Variants in DGAT2 observed in about 807,000 individuals in gnomAD.
DGAT2 encodes the protein acyl-CoA retinol O-fatty-acyltransferase.
In DGAT2, 33 loss-of-function variants were observed where a neutral mutation model predicts 48.4. The ratio of observed to expected loss-of-function variants is 0.68; its 90% confidence interval spans 0.52 to 0.91. DGAT2 has a LOEUF of 0.91. Ranked by LOEUF, DGAT2 falls within the 40% of genes least tolerant of loss-of-function variation. DGAT2 has a pLI of 0.00. For missense variants in DGAT2, 446 were observed against 493.7 expected (o/e 0.90, Z 0.92); for synonymous variants, 191 against 194.1 (o/e 0.98, Z 0.13).
chr11:75,783,275 T>G (rs757669806), intron 1 of DGAT2, among the ~76,000 whole-genome samples: 3 of 152,152 alleles, frequency 2.0e-5, no homozygotes, highest in African/African-American at 7.2e-5. Flanking sequence ...ACTAAGCCCT[T>G]TCCCTCTGAT....
chr11:75,774,912 G>A (rs1180968819), intron 1 of DGAT2, among the ~76,000 whole-genome samples: 3 of 152,098 alleles, frequency 2.0e-5, no homozygotes, highest in Non-Finnish European at 4.4e-5. Flanking sequence ...TGGGCCCCTG[G>A]GGTCCTCAGC....
In DGAT2 at chr11:75,797,232, G is replaced by A. The variant is rs868299457; in HGVS notation, c.709G>A (p.Val237Met). 2.4e-5 allele frequency: 38 copies of A among 1,581,420 alleles called. No individual in the cohort carries two copies. The highest frequency in any genetic ancestry group is 4.8e-5 in the East Asian group (2 of 42,052). Residue 237 changes from valine (V) to methionine (M), a missense_variant, in exon 6 of 8, where the codon GTG (valine) becomes ATG (methionine). By Grantham distance (21) the Val-to-Met change is conservative. Coordinates refer to ENST00000228027, the MANE Select transcript of DGAT2 (RefSeq NM_032564.5). Reference protein sequence around the residue: ...KNGSGNAIIIVVGGAAESLSS... With the variant: ...KNGSGNAIIIMVGGAAESLSS... ...TGGGAGTGGCAATGCTATCATCATCGTGGTCGGGGGTGCGGCTGAGTCTCT... is the reference window on the plus strand; with the variant it reads ...TGGGAGTGGCAATGCTATCATCATCATGGTCGGGGGTGCGGCTGAGTCTCT...
intron 1 of DGAT2, among the ~76,000 whole-genome samples, chr11:75,772,148 A>C (rs1235585752): frequency 6.6e-6 from 1 of 152,136 alleles, no homozygotes; most frequent in Non-Finnish European, 1.5e-5. Flanking sequence ...TGAATGAGTG[A>C]AGGTTGTCTC....
chr11:75,792,139 G>A (rs1293170715), intron 4 of DGAT2: 2 of 152,342 alleles, frequency 1.3e-5, no homozygotes, highest in African/African-American at 4.8e-5. Flanking sequence ...ATGATTGTTG[G>A]TCAGACCTGG....
chr11:75,789,614 A>G (rs1944962205), intron 2 of DGAT2, among the ~76,000 whole-genome samples: 1 of 152,182 alleles, frequency 6.6e-6, no homozygotes, highest in East Asian at 1.9e-4. Flanking sequence ...CTAAAGCCTA[A>G]TACAGAGAAC....
intron 1 of DGAT2, among the ~76,000 whole-genome samples, chr11:75,782,696 A>T (rs1944879540): frequency 6.6e-6 from 1 of 152,248 alleles, no homozygotes; most frequent in South Asian, 2.1e-4. Flanking sequence ...TGATGAACTC[A>T]TCTGGCCAGG....
intron 1 of DGAT2, among the ~76,000 whole-genome samples, chr11:75,780,760 T>C (rs1372635916): frequency 6.6e-6 from 1 of 152,240 alleles, no homozygotes; most frequent in Admixed American, 6.5e-5. Context: ...GGGTTCAGCT[T>C]TGCCAGCATC....
At chr11:75,776,109 C>T (rs1457007708) in intron 1 of DGAT2, 1 of 152,274 alleles carries the variant, frequency 6.6e-6, no homozygotes, top group Non-Finnish European at 1.5e-5. Context: ...CCGACATTAA[C>T]CACCCTCCAG....
chr11:75,798,205 G>A lies in DGAT2; in HGVS notation c.810-22G>A, dbSNP rs368783832. 6 of 1,612,792 alleles carry A rather than the reference G, an allele frequency of 3.7e-6. No individual in the cohort carries two copies. The African/African-American group carries it at 6.7e-5, about 18-fold the overall frequency. ...TGAAGCCAGTAAGTAGGGTATGACAGACCCTGGCCTCTCCCTTCCAGAGCT... is the reference window on the plus strand; with the variant it reads ...TGAAGCCAGTAAGTAGGGTATGACAAACCCTGGCCTCTCCCTTCCAGAGCT... On this transcript the variant is annotated intron_variant, in intron 6 of 7. Coordinates refer to ENST00000228027, the MANE Select transcript of DGAT2 (RefSeq NM_032564.5).
In DGAT2 at chr11:75,769,104, G is replaced by C; in HGVS notation, c.113G>C (p.Gly38Ala). 1 of 1,567,642 alleles carries C rather than the reference G, an allele frequency of 6.4e-7. No homozygotes were observed. The highest frequency in any genetic ancestry group is 8.6e-7 in the Non-Finnish European group (1 of 1,162,534). ...GGPALSREGS[G>A]RWGTGSSILS... ...CCTGCGCTGTCGCGCGAGGGGTCTG[G>C]GAGATGGGGTGAGTGCCACGGCGCA... The change falls in exon 1 of 8, where the codon GGG becomes GCG. Residue 38 changes from glycine to alanine, a missense_variant. Transcript: ENST00000228027.
intron 1 of DGAT2, among the ~76,000 whole-genome samples, chr11:75,781,254 C>T (rs1944859905): frequency 6.6e-6 from 1 of 152,254 alleles, no homozygotes; most frequent in South Asian, 2.1e-4. Context: ...TTTCCAAAGG[C>T]TTCCTGGAAG....
At chr11:75,780,699 G>A (rs1479118975) in intron 1 of DGAT2, among the ~76,000 whole-genome samples, 1 of 152,236 alleles carries the variant, frequency 6.6e-6, no homozygotes, top group Non-Finnish European at 1.5e-5. Flanking sequence ...GAAGGAACTT[G>A]GGGACATGCA....
chr11:75,798,030 C>T (rs184073656), intron 6 of DGAT2, among the ~76,000 whole-genome samples, 197 bp from the exon 7 acceptor site: 1 of 152,306 alleles, frequency 6.6e-6, no homozygotes, highest in Non-Finnish European at 1.5e-5. Flanking sequence ...CTGATATGCT[C>T]CCCAGTCCCT....
At chr11:75,787,900 C>T (rs1013539153) in intron 2 of DGAT2, among the ~76,000 whole-genome samples, 13 of 152,114 alleles carry the variant, frequency 8.5e-5, no homozygotes, top group African/African-American at 2.7e-4. Context: ...AGGGAGCCCC[C>T]AGCTGAGAAA....
At position 75,800,291 on chromosome 11, in the gene DGAT2, A is replaced by C. The variant is rs145420090; in HGVS notation, c.1013-63A>C. On this transcript the variant is annotated intron_variant, in intron 7 of 7. Transcript: ENST00000228027. ...ACAGCCCAGCGTCACCACCTTCAGC[A>C]TCATGGTGGATGCCCAGGGGAAGGG... The C allele has an allele frequency of 2.3e-5, 36 of 1,572,958 alleles. 1 individual carries two copies. In the South Asian group the frequency reaches 4.0e-4, roughly 17 times the overall value.
chr11:75,783,710 G>A (rs1380400721), intron 1 of DGAT2, among the ~76,000 whole-genome samples: 2 of 152,126 alleles, frequency 1.3e-5, no homozygotes, highest in African/African-American at 2.4e-5. Context: ...ATGGGGTATG[G>A]GTGAGGAACC....
intron 1 of DGAT2, among the ~76,000 whole-genome samples, chr11:75,771,478 A>C (rs1408547986): frequency 6.6e-6 from 1 of 152,134 alleles, no homozygotes; most frequent in Admixed American, 6.5e-5. Context: ...GAGTGAGGCC[A>C]GGAATAGGAG....
Position 75,790,684 on chromosome 11 carries a change from C to T in DGAT2, c.382C>T (p.Arg128Ter), listed in dbSNP as rs765829063. The change falls in exon 4 of 8, where the codon CGA becomes TGA. Residue 128 changes from arginine (R) to a stop codon, truncating the protein, a stop_gained. Coordinates refer to ENST00000228027, the MANE Select transcript of DGAT2 (RefSeq NM_032564.5). LOFTEE classifies it high-confidence loss of function. ...AGGTGGCAGGAGGTCACAGTGGGTC[C>T]GAAACTGGGCTGTGTGGCGCTACTT... Reference protein sequence around the residue: ...KKGGRRSQWVRNWAVWRYFRD... With the variant: ...KKGGRRSQWV The T allele has an allele frequency of 2.0e-5, 32 of 1,613,938 alleles. No individual in the cohort carries two copies. Among genetic ancestry groups the T allele is most frequent in the East Asian group, 1.3e-4 (6 of 44,890 alleles).
At chr11:75,796,033 A>C (rs41302441) in intron 4 of DGAT2, 2 of 368,018 alleles carry the variant, frequency 5.4e-6, no homozygotes, top group Admixed American at 4.3e-5. Flanking sequence ...GAGGGAAGGC[A>C]GGAGGCTGGC....
Sources: gnomAD v4.1 joint callset for allele counts (sites outside exome capture counted in the v4.1 genomes callset) on GRCh38, gnomAD v4.1.1 for gene constraint, MANE v1.5 for transcripts, NCBI Gene and HGNC (gene_info 2026-07-23, HGNC 2026-07-21) for gene names.